Variants in ERC2 observed in about 807,000 individuals in gnomAD.
ERC2 encodes the protein ELKS/RAB6-interacting/CAST family member 2.
Under a neutral mutation model 114.8 loss-of-function variants are expected in ERC2, and 42 were observed. The ratio of observed to expected loss-of-function variants is 0.37; its 90% CI spans 0.29 to 0.47. The LOEUF is 0.47. ERC2 is among the 20% of genes least tolerant of loss of function. The pLI, the probability that ERC2 is intolerant of heterozygous loss-of-function variation, is 0.99. For synonymous variants in ERC2, 454 were observed against 425.5 expected (o/e 1.07, Z -0.82); for missense variants, 939 against 1,150.7 (o/e 0.82, Z 2.66).
At chr3:55,748,569 CA>C (rs1361324097) in intron 14 of ERC2, among the ~76,000 whole-genome samples, 1 of 152,192 alleles carries the variant, frequency 6.6e-6, no homozygotes, top group Non-Finnish European at 1.5e-5. Flanking sequence ...CTTCTATTAC[CA>C]TCATGAGCAA....
chr3:56,392,521 C>T (rs2060165595), intron 2 of ERC2, among the ~76,000 whole-genome samples: 1 of 152,126 alleles, frequency 6.6e-6, no homozygotes, highest in Non-Finnish European at 1.5e-5. Flanking sequence ...CACTGAGATG[C>T]ATTTTGTCTA....
chr3:55,811,139 C>CTTTTAATT (rs148441031), intron 14 of ERC2, among the ~76,000 whole-genome samples: 21,541 of 152,072 alleles, frequency 0.14, 1,693 homozygotes, highest in East Asian at 0.22. Flanking sequence ...TTAGGATTAA[C>CTTTTAATT]TTTTAATTTG....
chr3:56,290,550 C>T (rs949908706), intron 3 of ERC2, among the ~76,000 whole-genome samples: 1 of 152,124 alleles, frequency 6.6e-6, no homozygotes, highest in Non-Finnish European at 1.5e-5. Flanking sequence ...TCTGTAGAGA[C>T]AGAATTAGAA....
chr3:56,058,377 C>T (rs1409138554), intron 7 of ERC2, among the ~76,000 whole-genome samples: 2 of 152,226 alleles, frequency 1.3e-5, no homozygotes, highest in Non-Finnish European at 2.9e-5. Flanking sequence ...CCACACCACA[C>T]TCCAGGTGCC....
At chr3:55,719,220 G>A (rs1406822480) in intron 15 of ERC2, among the ~76,000 whole-genome samples, 1 of 152,134 alleles carries the variant, frequency 6.6e-6, no homozygotes, top group African/African-American at 2.4e-5. Context: ...GACATAGGAG[G>A]ATACAGAGAG....
At chr3:56,117,450 A>G (rs964312440) in intron 6 of ERC2, among the ~76,000 whole-genome samples, 2 of 152,200 alleles carry the variant, frequency 1.3e-5, no homozygotes, top group African/African-American at 4.8e-5. Context: ...GGTTCAAGAG[A>G]CATTTCCATC....
At chr3:55,673,323 G>A (rs145882728) in intron 17 of ERC2, among the ~76,000 whole-genome samples, 2,548 of 152,296 alleles carry the variant, frequency 0.017, 37 homozygotes, top group Middle Eastern at 0.034. Flanking sequence ...GGTGGCTTAC[G>A]CCTGTAATCC....
intron 14 of ERC2, among the ~76,000 whole-genome samples, chr3:55,832,114 G>C (rs1187834283): frequency 3.3e-5 from 5 of 152,246 alleles, no homozygotes; most frequent in Non-Finnish European, 5.9e-5. Flanking sequence ...GGCTCGAACT[G>C]GGTGGAGCCC....
chr3:56,248,238 A>G (rs2051857110), intron 3 of ERC2, among the ~76,000 whole-genome samples: 1 of 152,108 alleles, frequency 6.6e-6, no homozygotes. Flanking sequence ...GACTAAAAGC[A>G]TGCACCACCA....
intron 3 of ERC2, among the ~76,000 whole-genome samples, chr3:56,227,238 A>G (rs150908196): frequency 6.6e-6 from 1 of 152,190 alleles, no homozygotes; most frequent in Non-Finnish European, 1.5e-5. Context: ...CATAAAACCA[A>G]TGAGCTCAAA....
intron 14 of ERC2, among the ~76,000 whole-genome samples, chr3:55,808,477 T>C (rs1267216888): frequency 1.3e-5 from 2 of 151,784 alleles, no homozygotes; most frequent in Non-Finnish European, 2.9e-5. Flanking sequence ...AAAGTAATCA[T>C]TGCCAATTCT....
At chr3:55,833,845 C>G (rs1307659394) in intron 14 of ERC2, among the ~76,000 whole-genome samples, 2 of 152,180 alleles carry the variant, frequency 1.3e-5, no homozygotes, top group African/African-American at 2.4e-5. Flanking sequence ...ACCCATCTGT[C>G]TGCTGTATTC....
chr3:56,156,773 G>C (rs1012363969), intron 4 of ERC2, among the ~76,000 whole-genome samples: 1 of 152,074 alleles, frequency 6.6e-6, no homozygotes, highest in Admixed American at 6.6e-5. Flanking sequence ...TAAAGCAAAG[G>C]TTCCCTAATG....
chr3:56,205,390 C>T (rs1354559893), intron 3 of ERC2, among the ~76,000 whole-genome samples: 1 of 152,136 alleles, frequency 6.6e-6, no homozygotes, highest in Non-Finnish European at 1.5e-5. Flanking sequence ...TATCTTTTTA[C>T]AATTTGGGTC....
At chr3:55,582,576 T>A (rs11720530) in intron 17 of ERC2, among the ~76,000 whole-genome samples, 1 of 152,248 alleles carries the variant, frequency 6.6e-6, no homozygotes, top group East Asian at 1.9e-4. Flanking sequence ...GCTAATTGAT[T>A]CCTATTTCAA....
At chr3:56,465,959 C>T (rs540210070) in intron 1 of ERC2, among the ~76,000 whole-genome samples, 6 of 152,334 alleles carry the variant, frequency 3.9e-5, no homozygotes, top group African/African-American at 1.2e-4. Flanking sequence ...GTCAAGGCCA[C>T]GGCCAAGGTC....
chr3:55,647,824 C>T (rs76888469), intron 17 of ERC2, among the ~76,000 whole-genome samples: 1,524 of 152,338 alleles, frequency 0.01, 28 homozygotes, highest in African/African-American at 0.034. Flanking sequence ...TGGTGAGAAA[C>T]TCAGCGATGA....
intron 6 of ERC2, among the ~76,000 whole-genome samples, chr3:56,085,913 A>C (rs1281713286): frequency 1.3e-5 from 2 of 152,166 alleles, no homozygotes; most frequent in African/African-American, 4.8e-5. Flanking sequence ...TGGATGGTCT[A>C]TATCTGGACT....
At chr3:56,267,361 A>G (rs1262706104) in intron 3 of ERC2, among the ~76,000 whole-genome samples, 7 of 152,212 alleles carry the variant, frequency 4.6e-5, no homozygotes, top group African/African-American at 1.7e-4. Context: ...TAAACCAAAC[A>G]CAGAAAGAAA....
Sources: gnomAD v4.1 joint callset for allele counts (sites outside exome capture counted in the v4.1 genomes callset) on GRCh38, gnomAD v4.1.1 for gene constraint, MANE v1.5 for transcripts, NCBI Gene and HGNC (gene_info 2026-07-23, HGNC 2026-07-21) for gene names.